Variants in BCKDHB observed in about 807,000 individuals in gnomAD.
BCKDHB encodes 2-oxoisovalerate dehydrogenase subunit beta, mitochondrial.
A neutral mutation model predicts 48.5 loss-of-function variants in BCKDHB; 41 were observed. The ratio of observed to expected loss-of-function variants is 0.85; its 90% CI spans 0.66 to 1.10. The LOEUF is 1.10. Among genes scored for constraint, BCKDHB ranks in the 50% least tolerant of loss-of-function variants. The pLI, the probability that BCKDHB is intolerant of heterozygous loss-of-function variation, is 0.00. For synonymous variants in BCKDHB, 201 were observed against 174.8 expected (o/e 1.15, Z -1.18); for missense variants, 496 against 494.2 (o/e 1.00, Z -0.03).
chr6:80,334,479 G>T (rs1318267638), intron 9 of BCKDHB, among the ~76,000 whole-genome samples: 3 of 151,954 alleles, frequency 2.0e-5, no homozygotes, highest in Non-Finnish European at 2.9e-5. Context: ...CCCTAATGAT[G>T]ATAGTATAGA....
chr6:80,359,964 G>T, the BCKDHB span, among the ~76,000 whole-genome samples: 1 of 152,162 alleles, frequency 6.6e-6, no homozygotes, highest in Non-Finnish European at 1.5e-5. Context: ...AGAGTGAAAA[G>T]AATGTTGTTC....
chr6:80,206,930 C>A (rs1299960538), intron 8 of BCKDHB, among the ~76,000 whole-genome samples: 2 of 152,002 alleles, frequency 1.3e-5, no homozygotes, highest in Non-Finnish European at 2.9e-5. Flanking sequence ...CCTGTATGCA[C>A]AATGGCATAA....
At chr6:80,443,423 A>G in the BCKDHB span, 2 of 152,254 alleles carry the variant, frequency 1.3e-5, no homozygotes, top group African/African-American at 4.8e-5. Context: ...TGAACACATG[A>G]GTGAAGCATA....
chr6:80,272,328 G>A (rs1277038130), intron 8 of BCKDHB, among the ~76,000 whole-genome samples: 1 of 152,104 alleles, frequency 6.6e-6, no homozygotes, highest in Admixed American at 6.6e-5. Context: ...TAAAGGTGAT[G>A]TTAAATTGTT....
intron 3 of BCKDHB, among the ~76,000 whole-genome samples, chr6:80,139,583 T>A (rs1170036486): frequency 2.6e-5 from 4 of 151,446 alleles, no homozygotes; most frequent in Non-Finnish European, 5.9e-5. Context: ...TTGCTTGTTT[T>A]TCTCAGGTTT....
the BCKDHB span, among the ~76,000 whole-genome samples, chr6:80,378,011 A>G: frequency 1.3e-5 from 2 of 152,184 alleles, no homozygotes; most frequent in African/African-American, 2.4e-5. Context: ...ACAATGTTTT[A>G]TAGTTTTCAG....
chr6:80,343,684 A>G lies in BCKDHB; in HGVS notation c.1059A>G (p.Leu353=), dbSNP rs1770035632. ...TGCAGGAGGAATGTTTCTTGAACCT[A>G]GAGGCTCCTATATCAAGAGTATGTG... ...STVQEECFLN[L]EAPISRVCGY... Residue 353 remains leucine (L), a synonymous_variant, in exon 10 of 10, where the codon CTA becomes CTG. Transcript: ENST00000320393. 1 of 1,614,056 alleles carries G rather than the reference A, an allele frequency of 6.2e-7. No individual in the cohort carries two copies. Among genetic ancestry groups the G allele is most frequent in the African/African-American group, 1.3e-5 (1 of 75,058 alleles).
chr6:80,422,828 T>G, the BCKDHB span, among the ~76,000 whole-genome samples: 2 of 152,200 alleles, frequency 1.3e-5, no homozygotes, highest in Admixed American at 1.3e-4. Flanking sequence ...AAAAAACTTG[T>G]CTTTGATTTT....
chr6:80,385,288 A>G, the BCKDHB span, among the ~76,000 whole-genome samples: 8 of 152,320 alleles, frequency 5.3e-5, no homozygotes, highest in African/African-American at 1.7e-4. Context: ...AAATTGTGAA[A>G]AAACAGACAC....
the BCKDHB span, among the ~76,000 whole-genome samples, chr6:80,436,279 C>T: frequency 6.6e-6 from 1 of 150,492 alleles, no homozygotes; most frequent in Non-Finnish European, 1.5e-5. Flanking sequence ...CCGTCTCAGC[C>T]TCCGGAGTAG....
chr6:80,455,479 T>A, the BCKDHB span, among the ~76,000 whole-genome samples: 1 of 151,558 alleles, frequency 6.6e-6, no homozygotes, highest in Non-Finnish European at 1.5e-5. Context: ...ATAATATGGC[T>A]CATGTAAGGC....
chr6:80,451,436 C>T, the BCKDHB span, among the ~76,000 whole-genome samples: 1 of 152,120 alleles, frequency 6.6e-6, no homozygotes, highest in Non-Finnish European at 1.5e-5. Context: ...CTTGAGGTTT[C>T]TGGGCCCACT....
chr6:80,265,234 C>G (rs1006462743), intron 8 of BCKDHB, among the ~76,000 whole-genome samples: 1 of 152,104 alleles, frequency 6.6e-6, no homozygotes, highest in African/African-American at 2.4e-5. Context: ...AGCAGGGACT[C>G]AAACAGATAT....
At chr6:80,394,585 CT>C in the BCKDHB span, among the ~76,000 whole-genome samples, 8 of 152,106 alleles carry the variant, frequency 5.3e-5, no homozygotes, top group Non-Finnish European at 1.0e-4. Context: ...CCACTTAAGA[CT>C]GATTGGGAAC....
the BCKDHB span, among the ~76,000 whole-genome samples, chr6:80,453,781 A>G: frequency 0.011 from 1,649 of 152,206 alleles, 14 homozygotes; most frequent in African/African-American, 0.025. Flanking sequence ...GCTGAGGATT[A>G]TAGTGCATTA....
chr6:80,247,924 T>G (rs1231597586), intron 8 of BCKDHB, among the ~76,000 whole-genome samples: 1 of 152,220 alleles, frequency 6.6e-6, no homozygotes, highest in Non-Finnish European at 1.5e-5. Context: ...TAGTTACTAT[T>G]AAAAATCTAC....
intron 8 of BCKDHB, among the ~76,000 whole-genome samples, chr6:80,212,337 CT>C (rs1374369232): frequency 1.3e-5 from 2 of 152,144 alleles, no homozygotes; most frequent in African/African-American, 4.8e-5. Context: ...GAATGCATTC[CT>C]TTCCCAGGGT....
intron 5 of BCKDHB, among the ~76,000 whole-genome samples, chr6:80,170,690 G>T (rs944093217): frequency 6.6e-6 from 1 of 152,086 alleles, no homozygotes; most frequent in East Asian, 1.9e-4. Flanking sequence ...CCTCATTCTC[G>T]AGAAGGTCCT....
chr6:80,314,092 T>A (rs1289877876), intron 9 of BCKDHB, among the ~76,000 whole-genome samples: 8 of 152,364 alleles, frequency 5.3e-5, no homozygotes, highest in Non-Finnish European at 8.8e-5. Context: ...GTGATTTTCT[T>A]AATCTTGAGT....
Sources: allele counts gnomAD v4.1 joint callset (sites outside exome capture counted in the v4.1 genomes callset), GRCh38; gene constraint gnomAD v4.1.1; transcripts MANE v1.5; gene names NCBI Gene and HGNC (gene_info 2026-07-23, HGNC 2026-07-21).